The following MAML3 variants were observed in gnomAD, a reference collection of about 807,000 sequenced individuals.
MAML3 encodes mastermind like transcriptional coactivator 3.
In MAML3, 27 loss-of-function variants were observed where a neutral mutation model predicts 101.9. The observed-to-expected ratio is 0.27, with a 90% confidence interval of 0.20 to 0.37. The LOEUF (loss-of-function observed/expected upper bound fraction) is 0.37, where lower values mean the gene tolerates loss of function less well. Among genes scored for constraint, MAML3 ranks in the 10% least tolerant of loss-of-function variants. The probability of loss-of-function intolerance (pLI) is 1.00; values close to 1 mark genes in which losing one functional copy is unlikely to be tolerated. For missense variants in MAML3, 1,316 were observed against 1,444.9 expected, an observed-to-expected ratio of 0.91 and a Z score of 1.45; for synonymous variants, 501 against 555.9, an observed-to-expected ratio of 0.90 and a Z score of 1.39.
chr4:140,152,363 C>T (rs1256439578), intron 1 of MAML3, among the ~76,000 whole-genome samples: 1 of 152,194 alleles, frequency 6.6e-6, no homozygotes, highest in Admixed American at 6.5e-5. Context: ...GGGCCTGGTG[C>T]CCGCCCAGAA....
At chr4:139,780,864 C>T (rs1296746091) in intron 2 of MAML3, among the ~76,000 whole-genome samples, 3 of 152,066 alleles carry the variant, frequency 2.0e-5, no homozygotes, top group Non-Finnish European at 4.4e-5. Flanking sequence ...CCTGGCCTCA[C>T]GTGATCTGCT....
chr4:139,863,832 GTTTTTTTTTTTTT>G (rs58270046), intron 2 of MAML3, among the ~76,000 whole-genome samples: 2 of 111,254 alleles, frequency 1.8e-5, no homozygotes, highest in Non-Finnish European at 3.8e-5. Flanking sequence ...CAGAACATGG[GTTTTTTTTTTTTT>G]TTTTTTTTTT....
intron 1 of MAML3, among the ~76,000 whole-genome samples, chr4:139,926,093 C>A (rs1477814564): frequency 6.6e-6 from 1 of 152,152 alleles, no homozygotes; most frequent in Non-Finnish European, 1.5e-5. Context: ...GCTTCAAAAA[C>A]CAAACACCCA....
Position 139,889,436 on chromosome 4 carries a change from T to C in MAML3, c.2000A>G (p.Gln667Arg), listed in dbSNP as rs1732414227. The C allele has an allele frequency of 4.3e-6, 7 of 1,613,958 alleles. No individual in the cohort carries two copies. Among genetic ancestry groups the C allele is most frequent in the East Asian group, 2.2e-5 (1 of 44,898 alleles). ...QAPRAHLSED[Q>R]KRLLLMKQKG... ...CTGCTTCATGAGAAGCAGGCGTTTC[T>C]GGTCTTCGCTCAGGTGTGCCCTGGG... The change falls in exon 2 of 5, where the codon CAG becomes CGG. Residue 667 changes from glutamine to arginine, a missense_variant. Transcript: ENST00000509479.
intron 1 of MAML3, among the ~76,000 whole-genome samples, chr4:140,101,850 ATT>A (rs199963434): frequency 5.5e-4 from 77 of 140,682 alleles, no homozygotes; most frequent in Non-Finnish European, 5.3e-4. Flanking sequence ...TCAGCTGAGC[ATT>A]TTTTTTTTTT....
intron 1 of MAML3, among the ~76,000 whole-genome samples, chr4:140,037,314 G>A (rs899620382): frequency 6.6e-6 from 1 of 151,558 alleles, no homozygotes; most frequent in African/African-American, 2.4e-5. Flanking sequence ...AGTTCCTCAG[G>A]TTAGGTTTTA....
chr4:139,860,435 A>G (rs1731756291), intron 2 of MAML3, among the ~76,000 whole-genome samples: 1 of 152,232 alleles, frequency 6.6e-6, no homozygotes, highest in Non-Finnish European at 1.5e-5. Flanking sequence ...GCTGAACACG[A>G]GGCTGGGACA....
intron 2 of MAML3, among the ~76,000 whole-genome samples, chr4:139,795,038 C>G (rs768375926): frequency 2.0e-5 from 3 of 152,164 alleles, no homozygotes; most frequent in Non-Finnish European, 4.4e-5. Flanking sequence ...AGTTATATTG[C>G]TTCTTCCCCA....
chr4:140,138,571 A>T (rs1728934419), intron 1 of MAML3, among the ~76,000 whole-genome samples: 1 of 152,198 alleles, frequency 6.6e-6, no homozygotes, highest in African/African-American at 2.4e-5. Context: ...GCTGATCTGC[A>T]CACACCACCG....
At chr4:139,889,227 G>T in intron 2 of MAML3, 130 bp downstream of exon 2, 1 of 1,550,242 alleles carries the variant, frequency 6.5e-7, no homozygotes, top group Non-Finnish European at 8.8e-7. Flanking sequence ...GCCACTACCT[G>T]AGGATGTGTA....
intron 1 of MAML3, among the ~76,000 whole-genome samples, chr4:140,019,796 G>A (rs1461125585): frequency 1.3e-5 from 2 of 152,212 alleles, no homozygotes; most frequent in African/African-American, 4.8e-5. Flanking sequence ...GCAGCTGGGA[G>A]TGTTTTGGGC....
intron 2 of MAML3, among the ~76,000 whole-genome samples, chr4:139,874,579 A>C (rs1037160170): frequency 6.6e-6 from 1 of 152,060 alleles, no homozygotes; most frequent in African/African-American, 2.4e-5. Context: ...GGCACATAAA[A>C]TATGTTGAAT....
intron 1 of MAML3, among the ~76,000 whole-genome samples, chr4:140,001,134 A>G (rs763709917): frequency 6.6e-6 from 1 of 152,230 alleles, no homozygotes; most frequent in African/African-American, 2.4e-5. Context: ...ACATAGATTG[A>G]TTTTGCTGTT....
chr4:140,102,439 T>A (rs67550231), intron 1 of MAML3, among the ~76,000 whole-genome samples: 27,623 of 152,250 alleles, frequency 0.18, 3,025 homozygotes, highest in Middle Eastern at 0.35. Context: ...TGGTTTCTCC[T>A]GAGGCCTCTA....
At chr4:140,152,781 T>C (rs1009457786) in intron 1 of MAML3, 79 bp downstream of exon 1, 11 of 1,548,332 alleles carry the variant, frequency 7.1e-6, no homozygotes, top group Non-Finnish European at 9.6e-6. Flanking sequence ...TGTACCCCCA[T>C]GTAAGAAGCT....
At chr4:139,921,500 G>C (rs535151908) in intron 1 of MAML3, among the ~76,000 whole-genome samples, 5 of 152,110 alleles carry the variant, frequency 3.3e-5, no homozygotes, top group Non-Finnish European at 5.9e-5. Context: ...AGAGGGAGGG[G>C]GGCTGCTGCT....
rs572041288 is a variant in MAML3, at chr4:139,726,719, T to C, written c.2332-884A>G. Among the ~76,000 whole-genome samples, 28 of 152,370 alleles carry C rather than the reference T, an allele frequency of 1.8e-4. 1 individual carries two copies. Among genetic ancestry groups the C allele is most frequent in the Admixed American group, 4.6e-4 (7 of 15,310 alleles). ...AGCATTTACTGCTTTGAGGAAACCA[T>C]GTGGGATTCCACATATACCAGCAGA... On this transcript the variant is annotated intron_variant, in intron 3 of 4. Coordinates refer to ENST00000509479, the MANE Select transcript of MAML3 (RefSeq NM_018717.5).
chr4:140,135,636 T>C lies in MAML3; in HGVS notation c.468+17224A>G, dbSNP rs143816075. On this transcript the variant is annotated intron_variant, in intron 1 of 4. Transcript: ENST00000509479. Reference sequence around the variant, plus strand: ...CCAAGAGCCCTCTTGCCAATGAGACTAGACGTCTCTGAAGAGCCACCATAC... The same window carrying C: ...CCAAGAGCCCTCTTGCCAATGAGACCAGACGTCTCTGAAGAGCCACCATAC... Among the ~76,000 whole-genome samples, 39 of 152,328 alleles carry C rather than the reference T, an allele frequency of 2.6e-4. No homozygotes were observed. In the East Asian group the frequency reaches 5.4e-3, roughly 21 times the overall value.
chr4:139,888,511 T>C (rs184757839), intron 2 of MAML3: 8 of 518,810 alleles, frequency 1.5e-5, no homozygotes, highest in African/African-American at 7.7e-5. Context: ...ACAAATGTTA[T>C]ATTAAAGGAG....
Sources: gnomAD v4.1 joint callset for allele counts (sites outside exome capture counted in the v4.1 genomes callset) on GRCh38, gnomAD v4.1.1 for gene constraint, MANE v1.5 for transcripts, NCBI Gene and HGNC (gene_info 2026-07-23, HGNC 2026-07-21) for gene names.